Variants in ANXA3 observed in about 807,000 individuals in gnomAD.
The protein encoded by ANXA3 is 35-alpha calcimedin.
ANXA3 carries 46 observed loss-of-function variants against 48.8 expected under a neutral mutation model. The ratio of observed to expected loss-of-function variants is 0.94; its 90% confidence interval spans 0.74 to 1.21. The LOEUF (loss-of-function observed/expected upper bound fraction) is 1.21, where lower values mean the gene tolerates loss of function less well. Among genes scored for constraint, ANXA3 ranks in the 50% most tolerant of loss-of-function variants. The pLI is 0.00. For synonymous variants in ANXA3, 128 were observed against 134.7 expected (o/e 0.95, Z 0.35); for missense variants, 383 against 378.6 (o/e 1.01, Z -0.10).
chr4:78,595,726 C>T (rs767616187), intron 8 of ANXA3, 68 bp from the exon 9 acceptor site: 34 of 991,570 alleles, frequency 3.4e-5, no homozygotes, highest in East Asian at 2.0e-4. Context: ...AATACAACTC[C>T]GATTCTTCTC....
chr4:78,578,888 T>A (rs2109935631), intron 3 of ANXA3, 139 bp from the exon 4 acceptor site: 1 of 347,640 alleles, frequency 2.9e-6, no homozygotes, highest in Non-Finnish European at 5.3e-6. Context: ...AATAAATAAA[T>A]AAAATTCCAA....
intron 5 of ANXA3, 161 bp downstream of exon 5, chr4:78,582,451 A>G (rs1723092076): frequency 3.8e-6 from 2 of 521,714 alleles, no homozygotes; most frequent in Non-Finnish European, 7.0e-6. Context: ...CAGCTATAGA[A>G]CCTTAAGCCC....
intron 2 of ANXA3, among the ~76,000 whole-genome samples, chr4:78,558,917 C>T (rs1180405766): frequency 2.6e-5 from 4 of 152,152 alleles, no homozygotes; most frequent in East Asian, 1.9e-4. Flanking sequence ...ATTTTTTCTG[C>T]GTACCTTCTG....
chr4:78,565,812 A>G (rs1193729738), intron 2 of ANXA3, among the ~76,000 whole-genome samples: 3 of 152,218 alleles, frequency 2.0e-5, no homozygotes, highest in Non-Finnish European at 2.9e-5. Flanking sequence ...GTACTATGTA[A>G]GTGTCAGAAG....
At chr4:78,559,194 C>G (rs1293491279) in intron 2 of ANXA3, among the ~76,000 whole-genome samples, 2 of 152,104 alleles carry the variant, frequency 1.3e-5, no homozygotes, top group Non-Finnish European at 2.9e-5. Flanking sequence ...ATCCTACTGC[C>G]TCAGTCTCCT....
At chr4:78,584,252 C>T (rs555146650) in intron 5 of ANXA3, among the ~76,000 whole-genome samples, 4 of 152,272 alleles carry the variant, frequency 2.6e-5, no homozygotes, top group Admixed American at 2.6e-4. Context: ...AATTATGGCT[C>T]ACTGCAGCCT....
chr4:78,573,045 C>T (rs764755493), intron 2 of ANXA3, 135 bp from the exon 3 acceptor site: 35 of 773,062 alleles, frequency 4.5e-5, no homozygotes, highest in Non-Finnish European at 3.3e-5. Context: ...ATTTCAGAGC[C>T]ACTCCTGAAG....
intron 2 of ANXA3, among the ~76,000 whole-genome samples, chr4:78,561,925 A>C (rs949467324): frequency 3.3e-5 from 5 of 152,250 alleles, no homozygotes; most frequent in Admixed American, 3.3e-4. Flanking sequence ...AAAGCCTGGA[A>C]AGTTTCTCAT....
chr4:78,573,255 A>G lies in ANXA3; in HGVS notation c.91A>G (p.Ile31Val), dbSNP rs766865529. 2.5e-6 allele frequency: 4 copies of G among 1,610,474 alleles called. No individual in the cohort carries two copies. In the African/African-American group the frequency reaches 4.0e-5, roughly 16 times the overall value. Residue 31 changes from isoleucine to valine, a missense_variant, in exon 3 of 13, where the codon ATC (isoleucine) becomes GTC (valine). Physicochemically the swap from Ile to Val is conservative, Grantham distance 29. Coordinates refer to ENST00000264908, the MANE Select transcript of ANXA3 (RefSeq NM_005139.3). The part of the protein sequence containing the change: ...SVDAEAIQKA[I>V]RGIGTDEKML... ...GGATGCTGAAGCTATTCAGAAAGCA[A>G]TCAGAGGAATTGGTGAGTGATATTT...
intron 2 of ANXA3, among the ~76,000 whole-genome samples, chr4:78,569,453 G>A (rs1291454474): frequency 2.0e-5 from 3 of 152,146 alleles, no homozygotes; most frequent in African/African-American, 7.2e-5. Context: ...TAAAAATGCC[G>A]ACATTCCTGA....
chr4:78,585,379 C>T (rs924350854), intron 5 of ANXA3, among the ~76,000 whole-genome samples: 8 of 152,298 alleles, frequency 5.3e-5, no homozygotes, highest in African/African-American at 9.6e-5. Context: ...GCTCATGACT[C>T]AGCCATTATG....
chr4:78,564,828 C>A (rs903026028), intron 2 of ANXA3, among the ~76,000 whole-genome samples: 1 of 152,018 alleles, frequency 6.6e-6, no homozygotes, highest in Non-Finnish European at 1.5e-5. Context: ...GCTTGACTTT[C>A]AAAGAACTGA....
chr4:78,597,877 G>T (rs1723454122), intron 10 of ANXA3, among the ~76,000 whole-genome samples: 1 of 152,200 alleles, frequency 6.6e-6, no homozygotes, highest in Admixed American at 6.5e-5. Flanking sequence ...GCCTCCCAAA[G>T]TGTTGGGATT....
intron 2 of ANXA3, among the ~76,000 whole-genome samples, chr4:78,555,251 T>A (rs1243594819): frequency 6.6e-6 from 1 of 151,818 alleles, no homozygotes; most frequent in Non-Finnish European, 1.5e-5. Context: ...TGAAGAATAT[T>A]CTTGGAGTGG....
intron 5 of ANXA3, among the ~76,000 whole-genome samples, chr4:78,583,798 T>A (rs896923055): frequency 2.0e-5 from 3 of 152,210 alleles, no homozygotes; most frequent in Non-Finnish European, 4.4e-5. Flanking sequence ...GCCTCTGGTC[T>A]TAAGGCGTTT....
At chr4:78,568,837 G>A (rs1387695942) in intron 2 of ANXA3, among the ~76,000 whole-genome samples, 1 of 152,208 alleles carries the variant, frequency 6.6e-6, no homozygotes, top group Non-Finnish European at 1.5e-5. Context: ...AGAAGATCAA[G>A]GGAGATTATA....
intron 11 of ANXA3, chr4:78,603,722 C>T (rs982508909): frequency 6.6e-6 from 1 of 152,218 alleles, no homozygotes. Flanking sequence ...TCATGGTTAA[C>T]AAGGTCTGGC....
chr4:78,557,386 G>A (rs1722537001), intron 2 of ANXA3, among the ~76,000 whole-genome samples: 1 of 152,152 alleles, frequency 6.6e-6, no homozygotes, highest in African/African-American at 2.4e-5. Context: ...GATAACACGG[G>A]CTAATCCCTG....
intron 6 of ANXA3, among the ~76,000 whole-genome samples, chr4:78,587,886 G>A (rs1462881420): frequency 6.6e-6 from 1 of 152,170 alleles, no homozygotes; most frequent in Non-Finnish European, 1.5e-5. Flanking sequence ...AAGGTCAGGA[G>A]TTCGAGACCA....
Sources: allele counts gnomAD v4.1 joint callset (sites outside exome capture counted in the v4.1 genomes callset), GRCh38; gene constraint gnomAD v4.1.1; transcripts MANE v1.5; gene names NCBI Gene and HGNC (gene_info 2026-07-23, HGNC 2026-07-21).